The following MCM9 variants were observed in gnomAD, a reference collection of about 807,000 sequenced individuals.
MCM9 encodes the protein DNA helicase MCM9.
In MCM9, 55 loss-of-function variants were observed where a neutral mutation model predicts 72.8. The observed-to-expected ratio is 0.76, with a 90% CI of 0.61 to 0.95. MCM9 has a LOEUF of 0.95. Ranked by LOEUF, MCM9 falls within the 40% of genes least tolerant of loss-of-function variation. The probability of loss-of-function intolerance (pLI) is 0.00; values close to 1 mark genes in which losing one functional copy is unlikely to be tolerated. For missense variants in MCM9, 1,279 were observed against 1,377.0 expected (o/e 0.93, Z 1.13); for synonymous variants, 480 against 503.4 (o/e 0.95, Z 0.62).
intron 8 of MCM9, among the ~76,000 whole-genome samples, chr6:118,861,798 G>A (rs188730703): frequency 7.2e-5 from 11 of 152,290 alleles, no homozygotes; most frequent in South Asian, 4.1e-4. Context: ...ATCCAGAACC[G>A]GCAGCCTAGC....
chr6:118,826,699 T>C, intron 12 of MCM9, 83 bp downstream of exon 12: 1 of 969,826 alleles, frequency 1.0e-6, no homozygotes, highest in Non-Finnish European at 1.5e-6. Context: ...TTAATAACTT[T>C]TGATATGTTA....
intron 1 of MCM9, among the ~76,000 whole-genome samples, chr6:118,933,831 T>A (rs1243250783): frequency 6.6e-6 from 1 of 152,084 alleles, no homozygotes; most frequent in African/African-American, 2.4e-5. Context: ...AGTAAATGTA[T>A]ATCCAAAACA....
rs766277434 is a variant in MCM9, at chr6:118,856,526, T to C, written c.1170A>G (p.Val390=). 1.3e-6 allele frequency: 2 copies of C among 1,535,660 alleles called. No homozygotes were observed. The highest frequency in any genetic ancestry group is 2.4e-5 in the South Asian group (2 of 84,052). ...CCAAATTCCATTCTCCTGAGTCTTTTACAGCAGTTACCGTCAGACCTGAGG... is the reference window on the plus strand; with the variant it reads ...CCAAATTCCATTCTCCTGAGTCTTTCACAGCAGTTACCGTCAGACCTGAGG... ...STSAGLTVTA[V]KDSGEWNLEA... is the part of the protein sequence containing the mutation. Residue 390 remains valine (V), a synonymous_variant, in exon 9 of 14, where the codon GTA becomes GTG. Transcript: ENST00000619706.
chr6:118,868,631 A>G (rs1441687340), intron 8 of MCM9, among the ~76,000 whole-genome samples: 2 of 152,250 alleles, frequency 1.3e-5, no homozygotes, highest in African/African-American at 2.4e-5. Context: ...TTCTCAAAAG[A>G]AGACATCTAT....
intron 8 of MCM9, among the ~76,000 whole-genome samples, chr6:118,909,330 C>G (rs1780373312): frequency 6.6e-6 from 1 of 152,128 alleles, no homozygotes; most frequent in East Asian, 1.9e-4. Context: ...GTTTTTGTAT[C>G]AAGTTGTAAA....
Position 118,834,407 on chromosome 6 carries a change from C to CT in MCM9, c.1326-5158_1326-5157insA, listed in dbSNP as rs576629463. On this transcript the variant is annotated intron_variant, in intron 9 of 13. Transcript: ENST00000619706. ...GGGATTACTGGGTCAAATGGTATGT[C>CT]GGTTATAGATCCTTGAGGAAATCGC... 1.8e-3 allele frequency among the ~76,000 whole-genome samples: 277 copies of CT among 152,210 alleles called. 1 individual carries two copies. Among genetic ancestry groups the CT allele is most frequent in the Middle Eastern group, 0.01 (3 of 294 alleles).
At position 118,917,698 on chromosome 6, in the gene MCM9, C is replaced by T. The variant is rs769154294; in HGVS notation, c.767G>A (p.Arg256His). The T allele has an allele frequency of 9.3e-6, 15 of 1,614,004 alleles. No homozygotes were observed. In the Admixed American group the frequency reaches 1.0e-4, roughly 11 times the overall value. ...QRWKPFQQDV[R>H]CEVEIVLKAN... ...TTTCAGGACTATCTCCACTTCACAGCGCACATCTTGCTGAAAGGGCTTCCA... is the reference window on the plus strand; with the variant it reads ...TTTCAGGACTATCTCCACTTCACAGTGCACATCTTGCTGAAAGGGCTTCCA... The change falls in exon 6 of 14, where the codon CGC becomes CAC. Residue 256 changes from arginine to histidine, a missense_variant. By Grantham distance (29) the Arg-to-His change is conservative (BLOSUM62 0). Transcript: ENST00000619706.
At chr6:118,835,437 G>A (rs995084247) in intron 9 of MCM9, among the ~76,000 whole-genome samples, 2 of 152,148 alleles carry the variant, frequency 1.3e-5, no homozygotes, top group African/African-American at 4.8e-5. Context: ...AAATTACTTT[G>A]AGCAGTATGG....
intron 9 of MCM9, among the ~76,000 whole-genome samples, chr6:118,838,720 C>T (rs1285490987): frequency 3.3e-5 from 5 of 152,150 alleles, no homozygotes; most frequent in Admixed American, 6.5e-5. Flanking sequence ...TGTGCCCGGC[C>T]GAAAATTCTT....
At position 118,902,528 on chromosome 6, in the gene MCM9, CT is replaced by C. The variant is rs33980013; in HGVS notation, c.1150+9121del. Among the ~76,000 whole-genome samples, 1,062 of 131,464 alleles carry C rather than the reference CT, an allele frequency of 8.1e-3. 14 individuals carry two copies. The highest frequency in any genetic ancestry group is 0.027 in the African/African-American group (944 of 35,196). The allele number at this position is 131,464 out of a possible 152,430, so 86.2% of individuals were successfully genotyped here. A position where few individuals can be genotyped will look rare whatever the true frequency, so the allele number is the denominator to read the frequency against. ...CCTGGGTTGACAGGTACTGATAATA[CT>C]TTTTTTTTTTTTTTTTTGGCTACTA... is the stretch of plus-strand genomic sequence containing the variant. On this transcript the variant is annotated intron_variant, in intron 8 of 13. Transcript: ENST00000619706.
intron 8 of MCM9, among the ~76,000 whole-genome samples, chr6:118,886,483 T>C (rs1261590073): frequency 1.3e-5 from 2 of 152,018 alleles, no homozygotes; most frequent in East Asian, 1.9e-4. Context: ...TAGAAATTTA[T>C]TGGAACTAAT....
intron 8 of MCM9, among the ~76,000 whole-genome samples, chr6:118,870,801 G>T (rs1000815920): frequency 6.6e-6 from 1 of 151,656 alleles, no homozygotes; most frequent in East Asian, 1.9e-4. Context: ...GAAATATGAA[G>T]GATTATAAGA....
chr6:118,901,811 A>C (rs1259960173), intron 8 of MCM9, among the ~76,000 whole-genome samples: 1 of 152,240 alleles, frequency 6.6e-6, no homozygotes, highest in African/African-American at 2.4e-5. Context: ...GAAAAGACTT[A>C]ATCCAGAAAG....
chr6:118,917,290 T>C (rs1256660401), intron 6 of MCM9, among the ~76,000 whole-genome samples: 1 of 152,040 alleles, frequency 6.6e-6, no homozygotes, highest in Non-Finnish European at 1.5e-5. Context: ...TTAATTGATA[T>C]GATAGGAAAC....
chr6:118,917,065 G>C (rs1293924724), intron 6 of MCM9, among the ~76,000 whole-genome samples: 1 of 152,144 alleles, frequency 6.6e-6, no homozygotes, highest in Non-Finnish European at 1.5e-5. Flanking sequence ...AATTACACCT[G>C]AATGTCACAG....
intron 8 of MCM9, chr6:118,894,316 G>T (rs1314523420): frequency 6.6e-7 from 1 of 1,508,734 alleles, no homozygotes; most frequent in African/African-American, 1.4e-5. Flanking sequence ...TCTGGCCGGC[G>T]CTGGAGCGGG....
chr6:118,905,269 G>A (rs1013405828), intron 8 of MCM9, among the ~76,000 whole-genome samples: 2 of 152,208 alleles, frequency 1.3e-5, no homozygotes, highest in Admixed American at 6.5e-5. Flanking sequence ...TCTATGAGGA[G>A]ATCATTTAAT....
At chr6:118,916,438 TA>T (rs1419357568) in intron 6 of MCM9, among the ~76,000 whole-genome samples, 1 of 77,642 alleles carries the variant, frequency 1.3e-5, no homozygotes, top group Non-Finnish European at 2.5e-5. Flanking sequence ...GAAGCATTAT[TA>T]TTATTATTAT....
At chr6:118,907,943 C>T (rs1049756146) in intron 8 of MCM9, 2 of 188,292 alleles carry the variant, frequency 1.1e-5, no homozygotes, top group African/African-American at 2.4e-5. Context: ...ATGTCTTGGC[C>T]TCCCAGACAG....
Sources: allele counts gnomAD v4.1 joint callset (sites outside exome capture counted in the v4.1 genomes callset), GRCh38; gene constraint gnomAD v4.1.1; transcripts MANE v1.5; gene names NCBI Gene and HGNC (gene_info 2026-07-23, HGNC 2026-07-21).